Variants in UST observed in about 807,000 individuals in gnomAD.
UST encodes the protein chondroitin sulfate 2-O-sulfotransferase.
In UST, 21 loss-of-function variants were observed where a neutral mutation model predicts 45.6. The ratio of observed to expected loss-of-function variants is 0.46; its 90% CI spans 0.33 to 0.66. UST has a LOEUF of 0.66. Among genes scored for constraint, UST ranks in the 30% least tolerant of loss-of-function variants. UST has a pLI of 0.02. For synonymous variants in UST, 215 were observed against 200.6 expected (o/e 1.07, Z -0.61); for missense variants, 463 against 512.4 (o/e 0.90, Z 0.93).
intron 2 of UST, among the ~76,000 whole-genome samples, chr6:148,901,492 G>C (rs1306802082): frequency 6.6e-6 from 1 of 151,734 alleles, no homozygotes; most frequent in African/African-American, 2.4e-5. Context: ...ACAGAGCAGA[G>C]AGGAACTAGA....
intron 1 of UST, among the ~76,000 whole-genome samples, chr6:148,798,763 T>G (rs1018790007): frequency 6.6e-6 from 1 of 152,116 alleles, no homozygotes; most frequent in African/African-American, 2.4e-5. Context: ...CTCATAAACA[T>G]TTGTTACTCT....
chr6:148,869,025 TA>T (rs1277811850), intron 1 of UST, among the ~76,000 whole-genome samples: 1 of 152,232 alleles, frequency 6.6e-6, no homozygotes, highest in Non-Finnish European at 1.5e-5. Context: ...CTAGGGAAAC[TA>T]AAACTCAGAA....
chr6:148,775,432 C>T (rs1197039994), intron 1 of UST, among the ~76,000 whole-genome samples: 1 of 152,156 alleles, frequency 6.6e-6, no homozygotes, highest in East Asian at 1.9e-4. Flanking sequence ...TGAGCATGTG[C>T]GTTTATTGTT....
intron 1 of UST, among the ~76,000 whole-genome samples, chr6:148,803,338 G>C (rs1777085933): frequency 6.6e-6 from 1 of 151,996 alleles, no homozygotes; most frequent in Admixed American, 6.6e-5. Flanking sequence ...ACCATTCCTG[G>C]GATATTCTAG....
At position 148,941,201 on chromosome 6, in the gene UST, T is replaced by C. The variant is rs139020176; in HGVS notation, c.292-78T>C. 2.2e-4 allele frequency: 334 copies of C among 1,533,490 alleles called. No individual in the cohort carries two copies. The South Asian group carries it at 2.9e-3, about 13-fold the overall frequency. The allele number at this position is 1,533,490 out of a possible 1,614,324, so 95.0% of individuals were successfully genotyped here. On this transcript the variant is annotated intron_variant, in intron 2 of 7. Coordinates refer to ENST00000367463, the MANE Select transcript of UST (RefSeq NM_005715.3). ...TCAGATTTATTATATGAAACAGTTA[T>C]TGTTCTGAAATTGAGGGAAGAATCC...
chr6:149,014,497 G>A (rs375706256), intron 5 of UST, among the ~76,000 whole-genome samples: 10 of 152,202 alleles, frequency 6.6e-5, no homozygotes, highest in African/African-American at 1.7e-4. Context: ...GAGAGTATGC[G>A]ATGTGGCACC....
At chr6:148,764,151 G>A (rs936293055) in intron 1 of UST, among the ~76,000 whole-genome samples, 6 of 152,020 alleles carry the variant, frequency 3.9e-5, no homozygotes, top group Admixed American at 3.9e-4. Flanking sequence ...CCATTTGTTT[G>A]TGTCATCTAC....
At chr6:148,915,645 G>A (rs1302151911) in intron 2 of UST, among the ~76,000 whole-genome samples, 2 of 152,228 alleles carry the variant, frequency 1.3e-5, no homozygotes, top group Non-Finnish European at 2.9e-5. Flanking sequence ...TCCATTACAT[G>A]TAGTTTAGAA....
intron 7 of UST, among the ~76,000 whole-genome samples, chr6:149,034,836 C>T (rs1475649495): frequency 2.3e-3 from 6 of 2,568 alleles, no homozygotes; most frequent in Admixed American, 6.8e-3. Context: ...CATGCTCATT[C>T]TCTCTCTCTC....
chr6:149,025,073 G>C (rs1211513174), intron 7 of UST, among the ~76,000 whole-genome samples: 1 of 152,206 alleles, frequency 6.6e-6, no homozygotes, highest in Non-Finnish European at 1.5e-5. Flanking sequence ...TGGAGAGCTA[G>C]TAAAAATCGT....
intron 7 of UST, among the ~76,000 whole-genome samples, chr6:149,064,017 A>C (rs1451043026): frequency 9.9e-5 from 15 of 152,222 alleles, no homozygotes; most frequent in Admixed American, 2.0e-4. Flanking sequence ...ACATACGGCA[A>C]ATCTTCATGA....
intron 7 of UST, chr6:149,027,631 A>G (rs1176761547): frequency 6.6e-6 from 1 of 152,160 alleles, no homozygotes; most frequent in African/African-American, 2.4e-5. Flanking sequence ...GTCCTCTAGG[A>G]CAGGATGAAA....
In UST at chr6:148,964,572, T is replaced by C. The variant is rs750590004; in HGVS notation, c.681+9T>C. ...AGGAGGAGCGCTACCTGGTAAGTCC[T>C]GTCGCATGCAAAAGGCGGTCTCCCC... On this transcript the variant is annotated intron_variant, in intron 5 of 7. Coordinates refer to ENST00000367463, the MANE Select transcript of UST (RefSeq NM_005715.3). The C allele has an allele frequency of 9.3e-6, 15 of 1,612,836 alleles. No homozygotes were observed. The highest frequency in any genetic ancestry group is 1.3e-5 in the African/African-American group (1 of 75,002).
At chr6:148,966,412 A>G (rs1010155959) in intron 5 of UST, among the ~76,000 whole-genome samples, 1 of 152,174 alleles carries the variant, frequency 6.6e-6, no homozygotes, top group Non-Finnish European at 1.5e-5. Context: ...TAAAAACAGC[A>G]TACATTCCAT....
chr6:148,995,315 G>A (rs540175451), intron 5 of UST, among the ~76,000 whole-genome samples: 4 of 152,292 alleles, frequency 2.6e-5, no homozygotes, highest in South Asian at 2.1e-4. Flanking sequence ...GAGCCGCTGC[G>A]CCCAGCCTCG....
At chr6:148,871,556 T>G (rs1291677627) in intron 1 of UST, among the ~76,000 whole-genome samples, 1 of 152,202 alleles carries the variant, frequency 6.6e-6, no homozygotes, top group East Asian at 1.9e-4. Context: ...TTACTGAAAT[T>G]GATATTCACA....
intron 2 of UST, among the ~76,000 whole-genome samples, chr6:148,902,441 G>A (rs1162658951): frequency 6.6e-6 from 1 of 150,382 alleles, no homozygotes; most frequent in African/African-American, 2.5e-5. Flanking sequence ...TAGCTATGTT[G>A]CCCAGCCAGG....
Position 148,866,460 on chromosome 6 carries a change from G to A in UST, c.248-20526G>A, listed in dbSNP as rs1266207947. On this transcript the variant is annotated intron_variant, in intron 1 of 7. Coordinates refer to ENST00000367463, the MANE Select transcript of UST (RefSeq NM_005715.3). ...CTGGGGAAATTTTTTGACCCCTTGA[G>A]GGTTGTTTCCTCGTCTACAAGATGC... Among the ~76,000 whole-genome samples the A allele has an allele frequency of 2.0e-5, 3 of 152,084 alleles. No individual in the cohort carries two copies. In the East Asian group the frequency reaches 5.8e-4, roughly 29 times the overall value.
intron 1 of UST, among the ~76,000 whole-genome samples, chr6:148,755,081 T>C (rs1776069649): frequency 6.6e-6 from 1 of 152,244 alleles, no homozygotes; most frequent in Non-Finnish European, 1.5e-5. Flanking sequence ...CAGATTATAG[T>C]ACAATGGTTA....
Sources: gnomAD v4.1 joint callset for allele counts (sites outside exome capture counted in the v4.1 genomes callset) on GRCh38, gnomAD v4.1.1 for gene constraint, MANE v1.5 for transcripts, NCBI Gene and HGNC (gene_info 2026-07-23, HGNC 2026-07-21) for gene names.